PALM2AKAP2: variants seen among roughly 807,000 people sequenced by gnomAD.
PALM2AKAP2 encodes PALM2 and AKAP2 fusion.
In PALM2AKAP2, 37 loss-of-function variants were observed where a neutral mutation model predicts 71.5. The observed-to-expected ratio is 0.52, with a 90% CI of 0.40 to 0.68. The LOEUF is 0.68. Among genes scored for constraint, PALM2AKAP2 ranks in the 30% least tolerant of loss-of-function variants. The pLI is 0.00. For synonymous variants in PALM2AKAP2, 468 were observed against 478.8 expected (o/e 0.98, Z 0.29); for missense variants, 1,224 against 1,191.8 (o/e 1.03, Z -0.40).
chr9:109,981,144 G>A (rs2132194571), intron 6 of PALM2AKAP2, among the ~76,000 whole-genome samples: 2 of 152,298 alleles, frequency 1.3e-5, no homozygotes, highest in Non-Finnish European at 2.9e-5. Context: ...GATTTGTGTA[G>A]GATACAGTAA....
At chr9:110,138,375 C>T in exon 2 of PALM2AKAP2, 2 of 1,614,206 alleles carry the variant, frequency 1.2e-6, no homozygotes, top group Non-Finnish European at 1.7e-6. Flanking sequence ...AAGCTGAGGT[C>T]CAGGAAACAG....
At chr9:109,910,520 A>G (rs890453342) in intron 3 of PALM2AKAP2, among the ~76,000 whole-genome samples, 2 of 152,232 alleles carry the variant, frequency 1.3e-5, no homozygotes, top group Admixed American at 1.3e-4. Flanking sequence ...GTAGGAGAAG[A>G]GGTGCCCATA....
intron 3 of PALM2AKAP2, among the ~76,000 whole-genome samples, chr9:109,915,661 C>T (rs372911789): frequency 1.6e-4 from 25 of 152,128 alleles, no homozygotes; most frequent in South Asian, 6.2e-4. Context: ...TTATAATGTA[C>T]GTAAAACACT....
At position 110,143,185 on chromosome 9, in the gene PALM2AKAP2, G is replaced by A. The variant is rs544091147; in HGVS notation, c.2569+4646G>A. ...GCCTGTAATCCCAGCACTTTTGGAG[G>A]TGGAGGCAAGAGGATTGCTTAAGTT... On this transcript the variant is annotated intron_variant, in intron 2 of 3. Transcript: ENST00000374525. Among the ~76,000 whole-genome samples, 5 of 151,778 alleles carry A rather than the reference G, an allele frequency of 3.3e-5. No homozygotes were observed. In the South Asian group the frequency reaches 6.3e-4, roughly 19 times the overall value.
chr9:109,977,433 C>G (rs1832191240), intron 6 of PALM2AKAP2, among the ~76,000 whole-genome samples: 1 of 152,136 alleles, frequency 6.6e-6, no homozygotes, highest in Non-Finnish European at 1.5e-5. Context: ...AGTGCTTTTG[C>G]AGAATTAGGC....
At chr9:109,980,060 A>G (rs1391797571) in intron 6 of PALM2AKAP2, among the ~76,000 whole-genome samples, 1 of 152,138 alleles carries the variant, frequency 6.6e-6, no homozygotes, top group Non-Finnish European at 1.5e-5. Flanking sequence ...CATCCCTGTC[A>G]TAGCTGGGCC....
At chr9:109,736,963 T>C (rs1828645663) in intron 1 of PALM2AKAP2, among the ~76,000 whole-genome samples, 2 of 152,250 alleles carry the variant, frequency 1.3e-5, no homozygotes, top group Non-Finnish European at 2.9e-5. Flanking sequence ...GTCTCTTTTG[T>C]ATATTAGCCT....
chr9:110,093,572 C>G (rs1834765411), intron 1 of PALM2AKAP2, among the ~76,000 whole-genome samples: 1 of 152,154 alleles, frequency 6.6e-6, no homozygotes, highest in South Asian at 2.1e-4. Flanking sequence ...TATGAAGATT[C>G]AAGGCTGGCA....
chr9:109,651,193 C>T (rs1827220839), intron 1 of PALM2AKAP2, among the ~76,000 whole-genome samples: 1 of 152,142 alleles, frequency 6.6e-6, no homozygotes, highest in African/African-American at 2.4e-5. Context: ...AGCAGGAGAA[C>T]CATGGATGAG....
At chr9:109,873,054 G>A (rs4581128) in intron 2 of PALM2AKAP2, among the ~76,000 whole-genome samples, 107,340 of 152,074 alleles carry the variant, frequency 0.71, 38,061 homozygotes, top group Admixed American at 0.74. Flanking sequence ...CAAGAAAGAG[G>A]AAGGAAAGAG....
chr9:109,998,013 G>A (rs12555129), intron 6 of PALM2AKAP2, among the ~76,000 whole-genome samples: 1 of 152,224 alleles, frequency 6.6e-6, no homozygotes, highest in East Asian at 1.9e-4. Context: ...AATCCACAGG[G>A]TTACTTGGAG....
intron 6 of PALM2AKAP2, among the ~76,000 whole-genome samples, chr9:110,014,810 A>ATG (rs1832949592): frequency 2.4e-4 from 2 of 8,230 alleles, no homozygotes; most frequent in East Asian, 3.2e-3. Context: ...AAAAATGTAT[A>ATG]TATATATATA....
intron 1 of PALM2AKAP2, among the ~76,000 whole-genome samples, chr9:109,808,808 C>T (rs532642085): frequency 1.3e-5 from 2 of 152,334 alleles, no homozygotes; most frequent in East Asian, 3.9e-4. Flanking sequence ...TGGGCTGGGC[C>T]CAGGGCCTTG....
At chr9:110,075,047 G>A (rs113527629) in intron 1 of PALM2AKAP2, among the ~76,000 whole-genome samples, 5,999 of 152,142 alleles carry the variant, frequency 0.039, 386 homozygotes, top group African/African-American at 0.13. Flanking sequence ...GTCACTGTAA[G>A]AGATGAATTA....
At chr9:109,780,314 G>A (rs1381195919), upstream of PALM2AKAP2, 3 of 1,366,334 alleles carry the variant, frequency 2.2e-6, no homozygotes, top group Admixed American at 3.0e-5. Flanking sequence ...CTGAGCCCGG[G>A]CGAGCCCGCC....
chr9:109,991,829 C>T (rs577179344), intron 6 of PALM2AKAP2, among the ~76,000 whole-genome samples: 79 of 152,262 alleles, frequency 5.2e-4, no homozygotes, highest in African/African-American at 1.8e-3. Flanking sequence ...GGGACATAAT[C>T]GCATCCTGGA....
At chr9:109,853,617 C>G (rs1829078974) in intron 1 of PALM2AKAP2, among the ~76,000 whole-genome samples, 1 of 152,188 alleles carries the variant, frequency 6.6e-6, no homozygotes, top group African/African-American at 2.4e-5. Flanking sequence ...AAGCACTGCT[C>G]ATTGGCATAA....
intron 1 of PALM2AKAP2, among the ~76,000 whole-genome samples, chr9:109,787,149 C>T (rs1271575062): frequency 1.3e-5 from 2 of 152,178 alleles, no homozygotes; most frequent in African/African-American, 2.4e-5. Flanking sequence ...TGGCGCAAGT[C>T]CTGGCCTTTC....
chr9:109,666,501 A>G (rs1827488113), intron 1 of PALM2AKAP2, among the ~76,000 whole-genome samples: 1 of 152,218 alleles, frequency 6.6e-6, no homozygotes, highest in Non-Finnish European at 1.5e-5. Flanking sequence ...GTTATTTTAC[A>G]CAGAAACCAG....
Sources: gnomAD v4.1 joint callset for allele counts (sites outside exome capture counted in the v4.1 genomes callset) on GRCh38, gnomAD v4.1.1 for gene constraint, MANE v1.5 for transcripts, NCBI Gene and HGNC (gene_info 2026-07-23, HGNC 2026-07-21) for gene names.